ZNF76: variants seen among roughly 807,000 people sequenced by gnomAD.
ZNF76 encodes zinc finger protein 523.
ZNF76 carries 66 observed loss-of-function variants against 66.9 expected under a neutral mutation model. The ratio of observed to expected loss-of-function variants is 0.99; its 90% CI spans 0.81 to 1.21. The LOEUF (loss-of-function observed/expected upper bound fraction) is 1.21. Ranked by LOEUF, ZNF76 falls within the 50% of genes most tolerant of loss-of-function variation. The pLI is 0.00. For synonymous variants in ZNF76, 275 were observed against 296.1 expected (o/e 0.93, Z 0.73); for missense variants, 729 against 760.3 (o/e 0.96, Z 0.48).
rs577496195 is a variant in ZNF76 at position 35,292,972 on chromosome 6, C to A, written c.1257C>A (p.Ala419=). The A allele has an allele frequency of 6.2e-7, 1 of 1,614,100 alleles. No homozygotes were observed. Among genetic ancestry groups the A allele is most frequent in the African/African-American group, 1.3e-5 (1 of 74,940 alleles). Residue 419 remains alanine, a synonymous_variant, in exon 11 of 14, where the codon GCC becomes GCA. Transcript: ENST00000373953. This position sits in a 1 kb window ranked among gnomAD's most constrained non-coding sequence, Gnocchi z 4.7. ...EVKEERDDIP[A]QVAMVTEEDG... ...AGGAAGAGAGAGATGACATCCCAGCCCAGGTGGCGATGGTGACTGAAGAAG... is the reference window on the plus strand; with the variant it reads ...AGGAAGAGAGAGATGACATCCCAGCACAGGTGGCGATGGTGACTGAAGAAG...
chr6:35,292,531 C>G lies in ZNF76; in HGVS notation c.932-23C>G. 1 of 1,612,064 alleles carries G rather than the reference C, an allele frequency of 6.2e-7. No individual in the cohort carries two copies. The highest frequency in any genetic ancestry group is 8.5e-7 in the Non-Finnish European group (1 of 1,179,100). On this transcript the variant is annotated intron_variant, in intron 9 of 13. Coordinates refer to ENST00000373953, the MANE Select transcript of ZNF76 (RefSeq NM_003427.5). This position sits in a 1 kb window ranked among gnomAD's most constrained non-coding sequence, Gnocchi z 4.7. ...CCCTTGCCAGCCCCAGTTCCCACCCCCCTCACAGCCCAGTGTCCCCAGGGG... is the reference window on the plus strand; with the variant it reads ...CCCTTGCCAGCCCCAGTTCCCACCCGCCTCACAGCCCAGTGTCCCCAGGGG...
chr6:35,275,649 A>G (rs918488080), intron 1 of ZNF76, among the ~76,000 whole-genome samples: 2 of 152,188 alleles, frequency 1.3e-5, no homozygotes, highest in African/African-American at 4.8e-5. Flanking sequence ...AGAGATTGGG[A>G]AAGGTCAGGG....
intron 1 of ZNF76, among the ~76,000 whole-genome samples, chr6:35,268,970 G>A (rs912212469): frequency 6.6e-6 from 1 of 151,952 alleles, no homozygotes; most frequent in Non-Finnish European, 1.5e-5. Flanking sequence ...CTATGCAATT[G>A]TCTCTTTTGC....
intron 1 of ZNF76, among the ~76,000 whole-genome samples, chr6:35,278,442 G>T (rs562673328): frequency 6.6e-6 from 1 of 152,324 alleles, no homozygotes; most frequent in Non-Finnish European, 1.5e-5. Context: ...CGCCCCTCAG[G>T]GCTGTCAAAG....
chr6:35,269,254 C>G (rs1394830988), intron 1 of ZNF76, among the ~76,000 whole-genome samples: 2 of 128,490 alleles, frequency 1.6e-5, no homozygotes, highest in Non-Finnish European at 3.1e-5. Context: ...GCACTCCAGC[C>G]TGGGCGACAG....
At position 35,292,095 on chromosome 6, in the gene ZNF76, T is replaced by C. The variant is rs1242726391; in HGVS notation, c.931+358T>C. 4 of 427,494 alleles carry C rather than the reference T, an allele frequency of 9.4e-6. No homozygotes were observed. Among genetic ancestry groups the C allele is most frequent in the Non-Finnish European group, 1.3e-5 (3 of 229,076 alleles). 26.5% of individuals were successfully genotyped at this position (427,494 alleles called of 1,614,324 possible). ...GAACTGTCACCTTCAACTCCTCACC[T>C]TATCCGCCGTCCATGACTCCTGTGT... On this transcript the variant is annotated intron_variant, in intron 9 of 13. Transcript: ENST00000373953. The surrounding 1 kb of genome is among the most constrained non-coding windows in gnomAD (Gnocchi z 4.7).
Position 35,291,674 on chromosome 6 carries a change from C to A in ZNF76, c.868C>A (p.Pro290Thr). 1 of 1,613,742 alleles carries A rather than the reference C, an allele frequency of 6.2e-7. No homozygotes were observed. Among genetic ancestry groups the A allele is most frequent in the Non-Finnish European group, 8.5e-7 (1 of 1,180,002 alleles). Residue 290 changes from proline to threonine, a missense_variant, in exon 9 of 14, where the codon CCC becomes ACC. Coordinates refer to ENST00000373953, the MANE Select transcript of ZNF76 (RefSeq NM_003427.5). ...TGERPYTCPE[P>T]HCGRGFTSAT... ...CGAGAGGCCCTACACCTGCCCGGAG[C>A]CCCACTGTGGCCGCGGCTTCACCAG... is the stretch of plus-strand genomic sequence containing the variant.
At chr6:35,273,191 C>A (rs545454102) in intron 1 of ZNF76, among the ~76,000 whole-genome samples, 2 of 149,102 alleles carry the variant, frequency 1.3e-5, no homozygotes, top group Admixed American at 1.3e-4. Context: ...AAAAAAAAAA[C>A]GAGTCTCACT....
intron 1 of ZNF76, among the ~76,000 whole-genome samples, chr6:35,266,793 A>ATT (rs1786159669): frequency 2.5e-5 from 2 of 81,184 alleles, no homozygotes; most frequent in Non-Finnish European, 2.7e-5. Context: ...TTTATTGTCT[A>ATT]TTTCTTTTTT....
chr6:35,262,742 G>A (rs546108008), intron 1 of ZNF76, among the ~76,000 whole-genome samples: 2 of 152,238 alleles, frequency 1.3e-5, no homozygotes, highest in South Asian at 4.1e-4. Context: ...ACCTCTTGAT[G>A]TGACTAGCTT....
intron 1 of ZNF76, among the ~76,000 whole-genome samples, chr6:35,278,884 G>A (rs779420355): frequency 2.0e-5 from 3 of 152,240 alleles, no homozygotes; most frequent in African/African-American, 4.8e-5. Flanking sequence ...AGTGTGAGTT[G>A]CTGGAGAAAC....
chr6:35,266,903 C>G (rs1468229079), intron 1 of ZNF76, among the ~76,000 whole-genome samples: 2 of 149,104 alleles, frequency 1.3e-5, no homozygotes, highest in Non-Finnish European at 3.0e-5. Context: ...CGGGTTCACG[C>G]CATTCTCCTG....
At chr6:35,277,759 T>A (rs1281878488) in intron 1 of ZNF76, among the ~76,000 whole-genome samples, 1 of 152,234 alleles carries the variant, frequency 6.6e-6, no homozygotes, top group African/African-American at 2.4e-5. Context: ...TTAGTAAATG[T>A]TTATGGACAG....
chr6:35,291,486 A>G, intron 8 of ZNF76, 72 bp from the exon 9 acceptor site: 1 of 1,608,642 alleles, frequency 6.2e-7, no homozygotes, highest in Non-Finnish European at 8.5e-7. Flanking sequence ...CCTGGAGCCC[A>G]GTGCCATCCC....
chr6:35,264,611 GGTGAACAA>G (rs1785729024), intron 1 of ZNF76, among the ~76,000 whole-genome samples: 1 of 152,136 alleles, frequency 6.6e-6, no homozygotes, highest in Non-Finnish European at 1.5e-5. Flanking sequence ...GGGGCAGCTA[GGTGAACAA>G]GTGCAAATTT....
chr6:35,268,903 G>A lies in ZNF76; in HGVS notation c.-97+9062G>A, dbSNP rs184507173. On this transcript the variant is annotated intron_variant, in intron 1 of 13. Coordinates refer to ENST00000373953, the MANE Select transcript of ZNF76 (RefSeq NM_003427.5). ...CTAAAGCTGCCAACAAACTTCAAAT[G>A]CCTTTTACCCTGGCAGCTATCAGTC... is the stretch of plus-strand genomic sequence containing the variant. 6.4e-3 allele frequency among the ~76,000 whole-genome samples: 978 copies of A among 152,106 alleles called. 10 individuals carry two copies. Among genetic ancestry groups the A allele is most frequent in the Non-Finnish European group, 8.3e-3 (562 of 68,012 alleles).
intron 1 of ZNF76, among the ~76,000 whole-genome samples, chr6:35,264,890 T>G (rs1370456983): frequency 6.6e-6 from 1 of 152,108 alleles, no homozygotes; most frequent in East Asian, 1.9e-4. Context: ...AGGGCTGGAC[T>G]GGACCTGAGA....
intron 1 of ZNF76, among the ~76,000 whole-genome samples, chr6:35,270,811 C>T (rs184441508): frequency 6.6e-6 from 1 of 152,158 alleles, no homozygotes; most frequent in African/African-American, 2.4e-5. Context: ...ACTGCTTCAG[C>T]CTCCCAAAGT....
At chr6:35,260,181 C>T (rs1249005209) in intron 1 of ZNF76, among the ~76,000 whole-genome samples, 1 of 152,106 alleles carries the variant, frequency 6.6e-6, no homozygotes, top group Non-Finnish European at 1.5e-5. Context: ...CCCAGCACTT[C>T]TCAGAGACCC....
Sources: allele counts gnomAD v4.1 joint callset (sites outside exome capture counted in the v4.1 genomes callset), GRCh38; gene constraint gnomAD v4.1.1; non-coding constraint Gnocchi (gnomAD v3.1); transcripts MANE v1.5; gene names NCBI Gene and HGNC (gene_info 2026-07-23, HGNC 2026-07-21).